The following AFAP1 variants were observed in gnomAD, a reference collection of about 807,000 sequenced individuals.
The protein encoded by AFAP1 is actin filament-associated protein 1.
Under a neutral mutation model 93.9 loss-of-function variants are expected in AFAP1, and 75 were observed. The observed-to-expected ratio is 0.80, with a 90% confidence interval of 0.66 to 0.97. The LOEUF is 0.97. Ranked by LOEUF, AFAP1 falls within the 50% of genes least tolerant of loss-of-function variation. The probability of loss-of-function intolerance (pLI) is 0.00; values close to 1 mark genes in which losing one functional copy is unlikely to be tolerated. For missense variants in AFAP1, 1,201 were observed against 1,050.8 expected (o/e 1.14, Z -1.98); for synonymous variants, 517 against 430.7 (o/e 1.20, Z -2.48).
intron 3 of AFAP1, among the ~76,000 whole-genome samples, chr4:7,864,921 T>C (rs960788040): frequency 6.6e-6 from 1 of 152,060 alleles, no homozygotes; most frequent in Admixed American, 6.6e-5. Flanking sequence ...AAGGCTGCAG[T>C]GAGCTATGAT....
At chr4:7,801,426 C>A (rs1245467229) in intron 9 of AFAP1, among the ~76,000 whole-genome samples, 5 of 151,598 alleles carry the variant, frequency 3.3e-5, no homozygotes, top group African/African-American at 1.2e-4. Context: ...AAATTATTAT[C>A]CTCATTTAAA....
intron 14 of AFAP1, chr4:7,777,987 T>C (rs1716325981): frequency 6.6e-6 from 1 of 152,570 alleles, no homozygotes; most frequent in Non-Finnish European, 1.5e-5. Context: ...CTGGATCTAC[T>C]ACAGGGAAGG....
At chr4:7,796,975 G>T (rs183043618) in intron 10 of AFAP1, among the ~76,000 whole-genome samples, 5 of 151,954 alleles carry the variant, frequency 3.3e-5, no homozygotes, top group African/African-American at 1.2e-4. Context: ...CAGGAGAATC[G>T]CTTGAACCTG....
intron 1 of AFAP1, among the ~76,000 whole-genome samples, chr4:7,910,521 G>C (rs757591076): frequency 1.2e-4 from 18 of 152,336 alleles, no homozygotes; most frequent in Admixed American, 9.8e-4. Flanking sequence ...GAAATCAAAA[G>C]TGGAAGCAGA....
At chr4:7,880,545 T>G (rs1188398172) in intron 1 of AFAP1, among the ~76,000 whole-genome samples, 1 of 152,218 alleles carries the variant, frequency 6.6e-6, no homozygotes, top group Non-Finnish European at 1.5e-5. Flanking sequence ...CCCAAAGTGC[T>G]GGGATTACAG....
chr4:7,851,322 GC>G (rs1714411933), intron 4 of AFAP1, among the ~76,000 whole-genome samples: 1 of 152,172 alleles, frequency 6.6e-6, no homozygotes, highest in African/African-American at 2.4e-5. Flanking sequence ...GTGACAGCAG[GC>G]TCCATCCACT....
rs772859874 is a variant in AFAP1, at chr4:7,855,417, G to C, written c.334+49C>G. 5 of 1,413,904 alleles carry C rather than the reference G, an allele frequency of 3.5e-6. No individual in the cohort carries two copies. In the South Asian group the frequency reaches 3.9e-5, roughly 11 times the overall value. 87.6% of individuals were successfully genotyped at this position (1,413,904 alleles called of 1,614,324 possible). A position where few individuals can be genotyped will look rare whatever the true frequency, so the allele number is the denominator to read the frequency against. On this transcript the variant is annotated intron_variant, in intron 4 of 17. Coordinates refer to ENST00000420658, the MANE Select transcript of AFAP1 (RefSeq NM_001134647.2). ...CAGAAAGGGGACAGGCTCTGCAACA[G>C]TCCTGCCAATCACAAAGGCAGCATG...
rs1337532867 is a variant in AFAP1, at chr4:7,761,596, T to TCTCCCCCTTCTCTTAC, written c.*2153_*2168dup. 1 of 152,250 alleles carries TCTCCCCCTTCTCTTAC rather than the reference T, an allele frequency of 6.6e-6. No homozygotes were observed. The highest frequency in any genetic ancestry group is 1.5e-5 in the Non-Finnish European group (1 of 68,080). The allele number at this position is 152,250 out of a possible 1,614,324, so 9.4% of individuals were successfully genotyped here. ...CAGGACCGTGACTTCAGGCTGGCCA[T>TCTCCCCCTTCTCTTAC]CTCCCCCTTCTCTTACTAACCACCA... On this transcript the variant is annotated 3_prime_UTR_variant, in exon 18 of 18. Transcript: ENST00000420658.
intron 1 of AFAP1, among the ~76,000 whole-genome samples, chr4:7,936,817 G>A (rs1013117456): frequency 1.5e-4 from 23 of 152,170 alleles, no homozygotes; most frequent in Middle Eastern, 6.8e-3. Flanking sequence ...TTCTAACCTC[G>A]TGATCTGCCT....
chr4:7,830,926 T>G (rs925821069), intron 6 of AFAP1, among the ~76,000 whole-genome samples: 1 of 151,954 alleles, frequency 6.6e-6, no homozygotes, highest in African/African-American at 2.4e-5. Flanking sequence ...AAGATAATAA[T>G]AAAGACCAAA....
At chr4:7,846,417 C>G (rs28470731) in intron 4 of AFAP1, among the ~76,000 whole-genome samples, 7 of 151,990 alleles carry the variant, frequency 4.6e-5, no homozygotes, top group Admixed American at 4.6e-4. Flanking sequence ...GACCGCAGAT[C>G]GCGTGCTGTG....
intron 13 of AFAP1, 141 bp downstream of exon 13, chr4:7,781,235 G>T: frequency 1.8e-6 from 2 of 1,105,080 alleles, no homozygotes; most frequent in Non-Finnish European, 2.5e-6. Flanking sequence ...TAGTCAGGCT[G>T]CAAATTATAT....
rs1712661080 is a variant in AFAP1 at position 7,838,983 on chromosome 4, G to C, written c.547-280C>G. On this transcript the variant is annotated intron_variant, in intron 5 of 17. Coordinates refer to ENST00000420658, the MANE Select transcript of AFAP1 (RefSeq NM_001134647.2). ...AACAAACACCAAAAGTCCCTACTCT[G>C]ATACAGTTTATGATCCGGTGGGGCT... is the stretch of plus-strand genomic sequence containing the variant. Among the ~76,000 whole-genome samples the C allele has an allele frequency of 2.6e-5, 4 of 152,116 alleles. No homozygotes were observed. In the East Asian group the frequency reaches 7.7e-4, roughly 29 times the overall value.
chr4:7,779,623 A>C (rs1716538971), intron 13 of AFAP1, among the ~76,000 whole-genome samples: 1 of 152,224 alleles, frequency 6.6e-6, no homozygotes, highest in Non-Finnish European at 1.5e-5. Flanking sequence ...CTTCTGTTGC[A>C]GGCCTCACTT....
chr4:7,769,228 C>G (rs908060144), intron 16 of AFAP1, among the ~76,000 whole-genome samples: 24 of 152,290 alleles, frequency 1.6e-4, no homozygotes, highest in African/African-American at 5.5e-4. Flanking sequence ...GGTGGAGGCT[C>G]CAAGGGGTGC....
chr4:7,809,817 A>G (rs1719854996), intron 8 of AFAP1, 54 bp from the exon 9 acceptor site: 3 of 1,480,490 alleles, frequency 2.0e-6, no homozygotes, highest in South Asian at 1.3e-5. Flanking sequence ...ATATTAATTG[A>G]AAAAAAAAAC....
chr4:7,841,251 G>C (rs1468027066), intron 5 of AFAP1, among the ~76,000 whole-genome samples: 1 of 152,196 alleles, frequency 6.6e-6, no homozygotes, highest in Non-Finnish European at 1.5e-5. Flanking sequence ...GAGCTCTGGG[G>C]CTGGAAGGCC....
intron 11 of AFAP1, 117 bp from the exon 12 acceptor site, chr4:7,786,428 GAGA>G: frequency 1.2e-6 from 1 of 808,488 alleles, no homozygotes; most frequent in South Asian, 1.6e-5. Context: ...CACAGGGGCA[GAGA>G]AGAAATACTA....
At chr4:7,860,314 T>A (rs1433696048) in intron 3 of AFAP1, among the ~76,000 whole-genome samples, 1 of 152,110 alleles carries the variant, frequency 6.6e-6, no homozygotes, top group Non-Finnish European at 1.5e-5. Context: ...TTGGAATATG[T>A]GCATTATGTA....
Sources: gnomAD v4.1 joint callset for allele counts (sites outside exome capture counted in the v4.1 genomes callset) on GRCh38, gnomAD v4.1.1 for gene constraint, MANE v1.5 for transcripts, NCBI Gene and HGNC (gene_info 2026-07-23, HGNC 2026-07-21) for gene names.